The following DIPK1A variants were observed in gnomAD, a reference collection of about 807,000 sequenced individuals.
The protein encoded by DIPK1A is family with sequence similarity 69 member A.
A neutral mutation model predicts 40.8 loss-of-function variants in DIPK1A; 27 were observed. The ratio of observed to expected loss-of-function variants is 0.66; its 90% CI spans 0.49 to 0.91. The LOEUF (loss-of-function observed/expected upper bound fraction) is 0.91. DIPK1A is among the 40% of genes least tolerant of loss of function. The pLI, the probability that DIPK1A is intolerant of heterozygous loss-of-function variation, is 0.00. For missense variants in DIPK1A, 412 were observed against 505.7 expected, an observed-to-expected ratio of 0.81 and a Z score of 1.78; for synonymous variants, 166 against 171.3, an observed-to-expected ratio of 0.97 and a Z score of 0.24.
chr1:92,902,623 G>A (rs1649465391), intron 1 of DIPK1A, among the ~76,000 whole-genome samples: 1 of 152,150 alleles, frequency 6.6e-6, no homozygotes, highest in Admixed American at 6.5e-5. Context: ...TAATGGTGAG[G>A]ACTATAGTTG....
At chr1:92,947,222 T>C (rs1651411656) in intron 1 of DIPK1A, among the ~76,000 whole-genome samples, 1 of 152,094 alleles carries the variant, frequency 6.6e-6, no homozygotes, top group Non-Finnish European at 1.5e-5. Flanking sequence ...TACATCAAAA[T>C]ACAGAAAATC....
chr1:92,957,195 T>C (rs1186501147), intron 1 of DIPK1A, among the ~76,000 whole-genome samples: 1 of 152,160 alleles, frequency 6.6e-6, no homozygotes, highest in Non-Finnish European at 1.5e-5. Context: ...TAGATCTTAG[T>C]TTGTAGAAAA....
At position 92,961,400 on chromosome 1, in the gene DIPK1A, C is replaced by T; in HGVS notation, c.30G>A (p.Trp10Ter). The change falls in exon 1 of 5, where the codon TGG (tryptophan) becomes TGA (stop). Residue 10 changes from tryptophan (W) to a stop codon, truncating the protein, a stop_gained. Transcript: ENST00000370310. LOFTEE classifies it high-confidence loss of function. MARSLCPGA[W>*]LRKPYYLQAR... Reference sequence around the variant, plus strand: ...CCTGGAGGTAATAGGGTTTCCTTAGCCAGGCCCCCGGACAGAGACTCCTCG... The same window carrying T: ...CCTGGAGGTAATAGGGTTTCCTTAGTCAGGCCCCCGGACAGAGACTCCTCG... 5.2e-6 allele frequency: 8 copies of T among 1,531,882 alleles called. No homozygotes were observed. Among genetic ancestry groups the T allele is most frequent in the Non-Finnish European group, 6.2e-6 (7 of 1,137,468 alleles). The allele number at this position is 1,531,882 out of a possible 1,614,324, so 94.9% of individuals were successfully genotyped here.
intron 1 of DIPK1A, chr1:92,930,898 TC>T (rs1650721456): frequency 6.6e-6 from 1 of 152,126 alleles, no homozygotes; most frequent in Non-Finnish European, 1.5e-5. Flanking sequence ...CTTCCTGGGG[TC>T]CTGTAACACT....
In DIPK1A at chr1:92,952,695, T is replaced by C. The variant is rs148637541; in HGVS notation, c.54+8681A>G. Among the ~76,000 whole-genome samples, 648 of 152,232 alleles carry C rather than the reference T, an allele frequency of 4.3e-3. 6 individuals are homozygous for C. The highest frequency in any genetic ancestry group is 0.031 in the South Asian group (149 of 4,826). On this transcript the variant is annotated intron_variant, in intron 1 of 4. Coordinates refer to ENST00000370310, the MANE Select transcript of DIPK1A (RefSeq NM_001006605.5). ...CCCATACAGCACAATTTAACATTGA[T>C]ACAATACTACTATCCAATATGTAAT...
At chr1:92,846,813 A>ATATATGTGTG (rs1553123757) in intron 4 of DIPK1A, among the ~76,000 whole-genome samples, 475 of 3,634 alleles carry the variant, frequency 0.13, 111 homozygotes, top group East Asian at 0.6. Context: ...ATATATATAT[A>ATATATGTGTG]TATATATATA....
chr1:92,859,006 C>T (rs1688079107), intron 2 of DIPK1A, among the ~76,000 whole-genome samples: 1 of 152,096 alleles, frequency 6.6e-6, no homozygotes, highest in Non-Finnish European at 1.5e-5. Context: ...TCCTAAATGC[C>T]TCTCTTGCCT....
At chr1:92,892,477 C>T (rs1648938014) in intron 1 of DIPK1A, among the ~76,000 whole-genome samples, 1 of 152,022 alleles carries the variant, frequency 6.6e-6, no homozygotes, top group South Asian at 2.1e-4. Flanking sequence ...ACAGAAAGGA[C>T]ATCCACACCA....
intron 1 of DIPK1A, among the ~76,000 whole-genome samples, chr1:92,891,312 C>A (rs534170826): frequency 3.3e-5 from 5 of 150,472 alleles, no homozygotes; most frequent in Middle Eastern, 3.4e-3. Flanking sequence ...TTTAGTTGAT[C>A]TTTATTATTT....
intron 1 of DIPK1A, among the ~76,000 whole-genome samples, chr1:92,937,869 C>G (rs1651004322): frequency 6.6e-6 from 1 of 151,974 alleles, no homozygotes; most frequent in Non-Finnish European, 1.5e-5. Flanking sequence ...AGCCAGCACC[C>G]CGATCTTGGA....
At chr1:92,886,105 G>A (rs531920264) in intron 1 of DIPK1A, among the ~76,000 whole-genome samples, 82 of 152,190 alleles carry the variant, frequency 5.4e-4, no homozygotes, top group African/African-American at 1.9e-3. Flanking sequence ...GGCCAAGGTG[G>A]GTGGATTGCT....
At chr1:92,937,785 T>C (rs1651001531) in intron 1 of DIPK1A, among the ~76,000 whole-genome samples, 1 of 152,120 alleles carries the variant, frequency 6.6e-6, no homozygotes, top group Admixed American at 6.6e-5. Context: ...CATTTCAATA[T>C]TCATGTTATA....
At chr1:92,961,352 G>A (rs1177089272) in intron 1 of DIPK1A, 24 bp downstream of exon 1, 1 of 1,493,542 alleles carries the variant, frequency 6.7e-7, no homozygotes, top group Non-Finnish European at 9.0e-7. Context: ...CCCGCAGCTG[G>A]TGGCTGGGCG....
chr1:92,846,712 T>C, intron 4 of DIPK1A: 1 of 237,096 alleles, frequency 4.2e-6, no homozygotes, highest in Non-Finnish European at 8.3e-6. Context: ...CACTGCAACC[T>C]CGACCTCCCA....
chr1:92,948,773 G>A (rs960707011), intron 1 of DIPK1A, among the ~76,000 whole-genome samples: 3 of 137,864 alleles, frequency 2.2e-5, no homozygotes, highest in African/African-American at 8.0e-5. Context: ...ATATGTGTGT[G>A]TGTGTATATA....
intron 2 of DIPK1A, among the ~76,000 whole-genome samples, chr1:92,871,376 A>G (rs2811598): frequency 0.71 from 108,558 of 151,942 alleles, 39,594 homozygotes; most frequent in East Asian, 0.95. Context: ...TGTTGGTTGG[A>G]CTGGTCTCGA....
intron 4 of DIPK1A, among the ~76,000 whole-genome samples, chr1:92,835,683 G>T (rs1291649688): frequency 6.9e-6 from 1 of 144,156 alleles, no homozygotes; most frequent in African/African-American, 2.6e-5. Flanking sequence ...AAAAAAATGA[G>T]AATCTTAGTG....
intron 1 of DIPK1A, among the ~76,000 whole-genome samples, chr1:92,890,617 T>C (rs1477634461): frequency 6.6e-6 from 1 of 152,226 alleles, no homozygotes; most frequent in Non-Finnish European, 1.5e-5. Flanking sequence ...TGTATCATAT[T>C]TACTGATTTG....
intron 2 of DIPK1A, among the ~76,000 whole-genome samples, chr1:92,855,533 T>TA (rs759303375): frequency 2.6e-5 from 4 of 151,492 alleles, no homozygotes; most frequent in South Asian, 2.1e-4. Flanking sequence ...ACCTCATATC[T>TA]AAAAATTTTT....
Sources: allele counts gnomAD v4.1 joint callset (sites outside exome capture counted in the v4.1 genomes callset), GRCh38; gene constraint gnomAD v4.1.1; transcripts MANE v1.5; gene names NCBI Gene and HGNC (gene_info 2026-07-23, HGNC 2026-07-21).